ZNF185: variants seen among roughly 807,000 people sequenced by gnomAD.
ZNF185 encodes zinc finger protein 185.
A neutral mutation model predicts 58.6 loss-of-function variants in ZNF185; 56 were observed. The observed-to-expected ratio is 0.95, with a 90% CI of 0.77 to 1.19. The LOEUF is 1.19. Among genes scored for constraint, ZNF185 ranks in the 50% most tolerant of loss-of-function variants. The pLI is 0.00. For synonymous variants in ZNF185, 230 were observed against 215.9 expected, an observed-to-expected ratio of 1.07 and a Z score of -0.57; for missense variants, 627 against 573.5, an observed-to-expected ratio of 1.09 and a Z score of -0.95.
intron 12 of ZNF185, 93 bp from the exon 14 acceptor site, chrX:152,931,579 G>A (rs1569501484): frequency 1.7e-5 from 13 of 787,193 alleles, no homozygotes; most frequent in East Asian, 3.6e-5. Flanking sequence ...TTTAAGCTCC[G>A]TGGAGACAGC....
At position 152,959,684 on chromosome X, in the gene ZNF185, C is replaced by T. The variant is rs1381563989; in HGVS notation, c.1410-15C>T. 8.3e-7 allele frequency: 1 copy of T among 1,204,369 alleles called. No individual in the cohort carries two copies. The highest frequency in any genetic ancestry group is 1.1e-6 in the Non-Finnish European group (1 of 892,237). On this transcript the variant is annotated splice_polypyrimidine_tract_variant and intron_variant, in intron 16 of 22. Coordinates refer to ENST00000449285, the Ensembl canonical transcript of ZNF185. ...CTCAGGGCACTCACTTCATAAGGGT[C>T]TTATTCTTCCTCAGCGTGTTGACTG...
chrX:152,923,273 A>G (rs1940154329), intron 11 of ZNF185, among the ~76,000 whole-genome samples: 1 of 111,609 alleles, frequency 9.0e-6, no homozygotes, highest in Non-Finnish European at 1.9e-5. Context: ...TACCATAGCA[A>G]TCCCCCAATT....
intron 18 of ZNF185, 24 bp from the exon 21 acceptor site, chrX:152,965,423 A>T: frequency 8.6e-7 from 1 of 1,160,371 alleles, no homozygotes; most frequent in Non-Finnish European, 1.2e-6. Flanking sequence ...TGTACCTCTG[A>T]TTTCTTCTGT....
chrX:152,904,062 T>C, the ZNF185 span, among the ~76,000 whole-genome samples: 3 of 112,743 alleles, frequency 2.7e-5, no homozygotes, highest in African/African-American at 9.7e-5. Flanking sequence ...TTCCATATTA[T>C]ATTTTCCCCT....
chrX:152,920,433 C>G, intron 8 of ZNF185, 22 bp downstream of exon 9: 1 of 1,199,026 alleles, frequency 8.3e-7, no homozygotes, highest in African/African-American at 1.7e-5. Context: ...CCAACTGGCT[C>G]CAGGCTCTAG....
At chrX:152,906,680 A>G in the ZNF185 span, among the ~76,000 whole-genome samples, 3 of 112,059 alleles carry the variant, frequency 2.7e-5, no homozygotes, top group Non-Finnish European at 5.6e-5. Context: ...AGCCTAGCTG[A>G]GGTTGGCACA....
intron 14 of ZNF185, among the ~76,000 whole-genome samples, chrX:152,935,740 T>A (rs1556881103): frequency 8.9e-6 from 1 of 112,290 alleles, no homozygotes; most frequent in African/African-American, 3.2e-5. Context: ...GTCCCCTTCT[T>A]GTGCAAATAC....
chrX:152,929,080 T>G (rs1941442669), intron 12 of ZNF185, among the ~76,000 whole-genome samples: 1 of 107,349 alleles, frequency 9.3e-6, no homozygotes, highest in Non-Finnish European at 1.9e-5. Context: ...TTGGTGGGGG[T>G]GGGAGGAGGA....
intron 11 of ZNF185, among the ~76,000 whole-genome samples, chrX:152,927,707 T>C (rs1447732552): frequency 3.6e-5 from 4 of 112,410 alleles, no homozygotes; most frequent in Admixed American, 2.8e-4. Context: ...TTCTGGGCCC[T>C]GCAGCACAGC....
intron 7 of ZNF185, among the ~76,000 whole-genome samples, chrX:152,919,708 T>G (rs6418510): frequency 9.0e-6 from 1 of 111,403 alleles, no homozygotes; most frequent in Non-Finnish European, 1.9e-5. Context: ...TGTATGCCTT[T>G]GGCTTGGGGC....
intron 9 of ZNF185, 40 bp from the exon 11 acceptor site, chrX:152,922,133 C>T (rs1556869841): frequency 8.6e-7 from 1 of 1,156,986 alleles, no homozygotes; most frequent in Non-Finnish European, 1.2e-6. Flanking sequence ...TCTAGGGCAG[C>T]CAAGAAGACC....
At chrX:152,915,201 T>C (rs782299371) in exon 3 of ZNF185, 21 of 1,208,860 alleles carry the variant, frequency 1.7e-5, no homozygotes, top group Non-Finnish European at 2.2e-5. Flanking sequence ...TTCCGAAGCC[T>C]AGGTAAGAGG....
At chrX:152,967,804 T>C (rs957456146) in intron 20 of ZNF185, among the ~76,000 whole-genome samples, 2 of 111,933 alleles carry the variant, frequency 1.8e-5, no homozygotes, top group African/African-American at 3.3e-5. Context: ...AGAAATCTTA[T>C]GTTCAGATTC....
At chrX:152,940,886 G>T (rs1556888675) in intron 15 of ZNF185, among the ~76,000 whole-genome samples, 4 of 112,306 alleles carry the variant, frequency 3.6e-5, no homozygotes, top group Non-Finnish European at 3.8e-5. Context: ...TGTTTTGTCA[G>T]TCTGAATATC....
chrX:152,945,347 G>GAGC, exon 16 of ZNF185: 1 of 1,207,369 alleles, frequency 8.3e-7, no homozygotes, highest in South Asian at 1.8e-5. Flanking sequence ...GCTCCAAGAG[G>GAGC]TGGCCAAGGA....
At chrX:152,936,606 C>A in intron 14 of ZNF185, 93 bp downstream of exon 16, 3 of 791,699 alleles carry the variant, frequency 3.8e-6, no homozygotes, top group Non-Finnish European at 3.7e-6. Context: ...GGATCCCCCT[C>A]GAACTTCTCA....
chrX:152,955,317 A>G (rs782541328), intron 16 of ZNF185, among the ~76,000 whole-genome samples: 5 of 112,142 alleles, frequency 4.5e-5, no homozygotes, highest in Non-Finnish European at 9.4e-5. Flanking sequence ...TGATATCACT[A>G]TTACCCTTGT....
chrX:152,971,903 A>C (rs1288824055), exon 23 of ZNF185: 1 of 112,254 alleles, frequency 8.9e-6, no homozygotes, highest in Non-Finnish European at 1.9e-5. Context: ...GAAAATTTAC[A>C]CAATTAGGTT....
Position 152,936,626 on chromosome X carries a change from C to T in ZNF185, c.1122-1448C>T, listed in dbSNP as rs1444308451. The stretch of plus-strand genomic sequence containing the variant: ...CCCCTCGAACTTCTCAGCTCCATGC[C>T]ACTTTCACATCAGGTGATCACAGCA... On this transcript the variant is annotated intron_variant, in intron 14 of 22. Transcript: ENST00000449285. 10 of 616,555 alleles carry T rather than the reference C, an allele frequency of 1.6e-5. No individual in the cohort carries two copies. In the East Asian group the frequency reaches 3.7e-4, roughly 23 times the overall value. The allele number at this position is 616,555 out of a possible 1,213,427, so 50.8% of individuals were successfully genotyped here.
Sources: allele counts gnomAD v4.1 joint callset (sites outside exome capture counted in the v4.1 genomes callset), GRCh38; gene constraint gnomAD v4.1.1; transcripts MANE v1.5; gene names NCBI Gene and HGNC (gene_info 2026-07-23, HGNC 2026-07-21).